Variants in TBXAS1 observed in about 807,000 individuals in gnomAD.
TBXAS1 encodes the protein thromboxane A synthase 1.
TBXAS1 carries 48 observed loss-of-function variants against 60.7 expected under a neutral mutation model. The ratio of observed to expected loss-of-function variants is 0.79; its 90% confidence interval spans 0.63 to 1.01. The LOEUF is 1.01. Ranked by LOEUF, TBXAS1 falls within the 50% of genes least tolerant of loss-of-function variation. TBXAS1 has a pLI of 0.00. For missense variants in TBXAS1, 685 were observed against 686.3 expected (o/e 1.00, Z 0.02); for synonymous variants, 287 against 269.7 (o/e 1.06, Z -0.63).
At chr7:139,885,499 A>T (rs1803020613) in intron 3 of TBXAS1, among the ~76,000 whole-genome samples, 4 of 152,244 alleles carry the variant, frequency 2.6e-5, no homozygotes, top group South Asian at 2.1e-4. Context: ...ACATGGCTGT[A>T]TGCATATATC....
intron 3 of TBXAS1, among the ~76,000 whole-genome samples, chr7:139,787,083 T>C (rs10248066): frequency 0.079 from 11,979 of 152,294 alleles, 1,559 homozygotes; most frequent in African/African-American, 0.27. Context: ...TTTCCTTATG[T>C]GTTTTATCAC....
Position 139,984,167 on chromosome 7 carries a change from G to A in TBXAS1, c.1134+21934G>A, listed in dbSNP as rs117419195. 4.8e-3 allele frequency among the ~76,000 whole-genome samples: 728 copies of A among 152,302 alleles called. 6 individuals carry two copies. The highest frequency in any genetic ancestry group is 0.012 in the South Asian group (60 of 4,826). Reference sequence around the variant, plus strand: ...CATGACACAGTTCCCCCTAAGCCTCGCTTCTTCACTGTTTAAAGGGGATAA... The same window carrying A: ...CATGACACAGTTCCCCCTAAGCCTCACTTCTTCACTGTTTAAAGGGGATAA... On this transcript the variant is annotated intron_variant, in intron 9 of 12. Coordinates refer to ENST00000448866, the MANE Select transcript of TBXAS1 (RefSeq NM_001061.7).
rs184493718 is a variant in TBXAS1 at position 139,792,949 on chromosome 7, G to A, written c.-80+5523G>A. Reference sequence around the variant, plus strand: ...AATGCTTGGTGCGAAGTAGGGTCATGTGGCTGTTTGTCTGCAGCCTGCCTG... The same window carrying A: ...AATGCTTGGTGCGAAGTAGGGTCATATGGCTGTTTGTCTGCAGCCTGCCTG... On this transcript the variant is annotated intron_variant, in intron 4 of 16. Coordinates refer to the TBXAS1 transcript ENST00000336425. 6.4e-4 allele frequency among the ~76,000 whole-genome samples: 97 copies of A among 152,358 alleles called. 1 individual carries two copies. Among genetic ancestry groups the A allele is most frequent in the South Asian group, 2.7e-3 (13 of 4,832 alleles).
chr7:139,955,152 T>C (rs1325599609), intron 6 of TBXAS1, among the ~76,000 whole-genome samples: 2 of 152,218 alleles, frequency 1.3e-5, no homozygotes, highest in Non-Finnish European at 2.9e-5. Flanking sequence ...GGCTGTGTTC[T>C]GGTTGACCAC....
chr7:139,779,761 T>C (rs1397751370), intron 1 of TBXAS1, among the ~76,000 whole-genome samples: 1 of 152,226 alleles, frequency 6.6e-6, no homozygotes, highest in Non-Finnish European at 1.5e-5. Context: ...TGGGGCTGAG[T>C]GCCTTGGCTT....
chr7:139,991,528 G>C (rs760902356), intron 9 of TBXAS1, among the ~76,000 whole-genome samples: 1 of 152,218 alleles, frequency 6.6e-6, no homozygotes, highest in South Asian at 2.1e-4. Context: ...GGTCATTTAT[G>C]AACATCAAGG....
At chr7:139,893,816 C>T (rs1027402808) in intron 3 of TBXAS1, among the ~76,000 whole-genome samples, 4 of 152,168 alleles carry the variant, frequency 2.6e-5, no homozygotes, top group Non-Finnish European at 2.9e-5. Context: ...CCTCTGGGGA[C>T]TAAGTTTTAT....
At position 139,896,572 on chromosome 7, in the gene TBXAS1, C is replaced by T. The variant is rs1395532259; in HGVS notation, c.237-14653C>T. ...GACAAATACAGCAACATCTGTCAGG[C>T]ACTGTAGGAACTGCTTTCAGTTTAT... On this transcript the variant is annotated intron_variant, in intron 3 of 12. Coordinates refer to ENST00000448866, the MANE Select transcript of TBXAS1 (RefSeq NM_001061.7). The surrounding 1 kb of genome is among the most constrained non-coding windows in gnomAD (Gnocchi z 4.0). 6.6e-6 allele frequency among the ~76,000 whole-genome samples: 1 copy of T among 152,188 alleles called. No individual in the cohort carries two copies. The highest frequency in any genetic ancestry group is 2.4e-5 in the African/African-American group (1 of 41,438).
At chr7:139,904,694 A>T (rs550973634) in intron 3 of TBXAS1, among the ~76,000 whole-genome samples, 47 of 151,772 alleles carry the variant, frequency 3.1e-4, no homozygotes, top group African/African-American at 1.1e-3. Flanking sequence ...AAGTATTTTT[A>T]TTTTTTTGCA....
intron 9 of TBXAS1, among the ~76,000 whole-genome samples, chr7:139,985,530 G>C (rs1309919519): frequency 6.6e-6 from 1 of 152,210 alleles, no homozygotes; most frequent in African/African-American, 2.4e-5. Flanking sequence ...TTGTAACCCT[G>C]TAGACTGATA....
chr7:139,957,729 G>A lies in TBXAS1; in HGVS notation c.784G>A (p.Val262Met). ...CTTTTTTAACAAACTCATTAGGAAT[G>A]TGATTGCCTTGCGGGACCAGCAAGC... ...NGFFNKLIRN[V>M]IALRDQQAAE... The change falls in exon 8 of 13, where the codon GTG becomes ATG. Residue 262 changes from valine to methionine, a missense_variant. By Grantham distance (21) the Val-to-Met change is conservative. Coordinates refer to ENST00000448866, the MANE Select transcript of TBXAS1 (RefSeq NM_001061.7). 4 of 1,614,112 alleles carry A rather than the reference G, an allele frequency of 2.5e-6. No homozygotes were observed. Among genetic ancestry groups the A allele is most frequent in the Non-Finnish European group, 3.4e-6 (4 of 1,180,024 alleles).
rs1157691380 is a variant in TBXAS1 at position 139,951,907 on chromosome 7, GAGAA to G, written c.451-1453_451-1450del. On this transcript the variant is annotated intron_variant, in intron 5 of 12. Transcript: ENST00000448866. ...AGAAGGAAGGAAGGAAGGAAAGAAA[GAGAA>G]AGAAAGAGAGAAAGAAAGAGAGAAA... 1.7e-3 allele frequency among the ~76,000 whole-genome samples: 67 copies of G among 40,168 alleles called. 15 individuals carry two copies. The highest frequency in any genetic ancestry group is 8.4e-3 in the Admixed American group (24 of 2,844). The allele number at this position is 40,168 out of a possible 152,430, so 26.4% of individuals were successfully genotyped here.
intron 9 of TBXAS1, among the ~76,000 whole-genome samples, chr7:139,964,887 C>T (rs1360086386): frequency 1.3e-5 from 2 of 152,168 alleles, no homozygotes; most frequent in Non-Finnish European, 2.9e-5. Context: ...ATAGTCACAT[C>T]CAGTTATGTC....
Position 139,932,134 on chromosome 7 carries a change from T to G in TBXAS1, c.334-4057T>G, listed in dbSNP as rs1333486230. Among the ~76,000 whole-genome samples the G allele has an allele frequency of 3.1e-5, 4 of 127,920 alleles. No individual in the cohort carries two copies. In the East Asian group the frequency reaches 9.2e-4, roughly 29 times the overall value. The allele number at this position is 127,920 out of a possible 152,430, so 83.9% of individuals were successfully genotyped here. A position where few individuals can be genotyped will look rare whatever the true frequency, so the allele number is the denominator to read the frequency against. ...GTGATCCAAGATCGCACCATTGCAC[T>G]CCAGCCTGGGCAACAGAGCGAGACT... On this transcript the variant is annotated intron_variant, in intron 4 of 12. Transcript: ENST00000448866.
At chr7:139,831,007 T>C (rs1189764320) in intron 1 of TBXAS1, among the ~76,000 whole-genome samples, 1 of 152,014 alleles carries the variant, frequency 6.6e-6, no homozygotes, top group Non-Finnish European at 1.5e-5. Context: ...ATTAATAACC[T>C]GGTTCAAAGA....
At chr7:139,819,524 A>G (rs1046840567) in intron 4 of TBXAS1, among the ~76,000 whole-genome samples, 1 of 152,076 alleles carries the variant, frequency 6.6e-6, no homozygotes, top group African/African-American at 2.4e-5. Flanking sequence ...TTTGTTTGAG[A>G]TGCAGTCTCA....
At chr7:139,936,133 C>T in intron 4 of TBXAS1, 58 bp from the exon 5 acceptor site, 2 of 1,548,506 alleles carry the variant, frequency 1.3e-6, no homozygotes, top group South Asian at 1.1e-5. Context: ...ACCTGTATTG[C>T]CACCAAGGTG....
chr7:139,985,655 C>G (rs1812398484), intron 9 of TBXAS1, among the ~76,000 whole-genome samples: 1 of 152,210 alleles, frequency 6.6e-6, no homozygotes, highest in Non-Finnish European at 1.5e-5. Context: ...ATTTTACCCT[C>G]CTCACATCTT....
chr7:139,903,028 T>C (rs1804697647), intron 3 of TBXAS1, among the ~76,000 whole-genome samples: 1 of 152,090 alleles, frequency 6.6e-6, no homozygotes, highest in African/African-American at 2.4e-5. Context: ...TCTGAGATTT[T>C]GGTGCACCCA....
Sources: allele counts gnomAD v4.1 joint callset (sites outside exome capture counted in the v4.1 genomes callset), GRCh38; gene constraint gnomAD v4.1.1; non-coding constraint Gnocchi (gnomAD v3.1); transcripts MANE v1.5; gene names NCBI Gene and HGNC (gene_info 2026-07-23, HGNC 2026-07-21).